Variants in HIVEP1 observed in about 807,000 individuals in gnomAD.
HIVEP1 encodes the protein HIVEP zinc finger 1, also known as zinc finger protein 40.
HIVEP1 carries 36 observed loss-of-function variants against 180.0 expected under a neutral mutation model. The ratio of observed to expected loss-of-function variants is 0.20; its 90% CI spans 0.15 to 0.26. The LOEUF is 0.26. Among genes scored for constraint, HIVEP1 ranks in the 10% least tolerant of loss-of-function variants. The pLI, the probability that HIVEP1 is intolerant of heterozygous loss-of-function variation, is 1.00. For synonymous variants in HIVEP1, 1,239 were observed against 1,239.0 expected (o/e 1.00, Z 0.00); for missense variants, 3,143 against 3,268.7 (o/e 0.96, Z 0.94).
chr6:12,174,356 A>T, the HIVEP1 span, among the ~76,000 whole-genome samples: 1 of 152,316 alleles, frequency 6.6e-6, no homozygotes, highest in South Asian at 2.1e-4. Flanking sequence ...AATTATTAAA[A>T]ACTTCACTTA....
At chr6:12,146,859 A>G (rs867361500) in intron 7 of HIVEP1, among the ~76,000 whole-genome samples, 2 of 151,914 alleles carry the variant, frequency 1.3e-5, no homozygotes, top group Non-Finnish European at 2.9e-5. Flanking sequence ...GATTACTATG[A>G]TGTGGCATGA....
intron 7 of HIVEP1, among the ~76,000 whole-genome samples, chr6:12,154,379 C>T (rs1458775941): frequency 1.3e-5 from 2 of 152,212 alleles, no homozygotes; most frequent in East Asian, 3.8e-4. Flanking sequence ...TCAAAACCCT[C>T]TTTGCCAAGG....
At chr6:12,009,874 T>C (rs560266353), upstream of HIVEP1, among the ~76,000 whole-genome samples, 7 of 152,380 alleles carry the variant, frequency 4.6e-5, no homozygotes, top group South Asian at 8.3e-4. Context: ...AAATTGCATG[T>C]ATGTTTTGTT....
chr6:12,129,890 A>G lies in HIVEP1; in HGVS notation c.6207A>G (p.Gly2069=). Residue 2069 remains glycine (G), a splice_region_variant and synonymous_variant, in exon 5 of 9, where the codon GGA becomes GGG. Transcript: ENST00000379388. Reference sequence around the variant, plus strand: ...CAAGAAGAATTAAAATATTTGATGGAGGGCAAGTACAAATTTTACTTCTTA... The same window carrying G: ...CAAGAAGAATTAAAATATTTGATGGGGGGCAAGTACAAATTTTACTTCTTA... ...SEPRRIKIFD[G]GYKSNEEYVY... The G allele has an allele frequency of 6.5e-7, 1 of 1,544,598 alleles. No homozygotes were observed. Among genetic ancestry groups the G allele is most frequent in the Non-Finnish European group, 8.9e-7 (1 of 1,125,580 alleles).
At chr6:12,152,227 A>G (rs957746732) in intron 7 of HIVEP1, among the ~76,000 whole-genome samples, 2 of 152,218 alleles carry the variant, frequency 1.3e-5, no homozygotes, top group East Asian at 1.9e-4. Flanking sequence ...TAGTTGTTAC[A>G]TTAAGTAACA....
chr6:12,121,738 G>T lies in HIVEP1; in HGVS notation c.1943G>T (p.Arg648Met). 13 of 1,614,166 alleles carry T rather than the reference G, an allele frequency of 8.1e-6. No homozygotes were observed. Among genetic ancestry groups the T allele is most frequent in the Non-Finnish European group, 1.0e-5 (12 of 1,180,038 alleles). Residue 648 changes from arginine (R) to methionine (M), a missense_variant, in exon 4 of 9, where the codon AGG becomes ATG. This residue lies in a region of HIVEP1 where 365 missense variants were observed against 344.4 expected (regional missense o/e 1.06). Coordinates refer to ENST00000379388, the MANE Select transcript of HIVEP1 (RefSeq NM_002114.4). The surrounding 1 kb of genome is among the most constrained non-coding windows in gnomAD (Gnocchi z 5.3). ...HVGTVHAQLQ[R>M]QQATDYSQEQ... Reference sequence around the variant, plus strand: ...GGAACGGTACACGCCCAGCTACAAAGGCAGCAGGCTACCGATTACTCCCAA... The same window carrying T: ...GGAACGGTACACGCCCAGCTACAAATGCAGCAGGCTACCGATTACTCCCAA...
chr6:12,036,080 T>C (rs941260719), intron 2 of HIVEP1, among the ~76,000 whole-genome samples: 3 of 152,242 alleles, frequency 2.0e-5, no homozygotes, highest in African/African-American at 7.2e-5. Flanking sequence ...CACCCAGGGC[T>C]GCTGAGGTTG....
In HIVEP1 at chr6:12,164,642, T is replaced by C. The variant is rs748483022; in HGVS notation, c.*181T>C. ...TCCAGCCATTTTTGTACATGTTGTA[T>C]AGACAATTGTGCCTTTTAGGAGCTT... On this transcript the variant is annotated 3_prime_UTR_variant, in exon 9 of 9. Coordinates refer to ENST00000379388, the MANE Select transcript of HIVEP1 (RefSeq NM_002114.4). The C allele has an allele frequency of 5.4e-6, 3 of 560,320 alleles. No homozygotes were observed. In the East Asian group the frequency reaches 9.0e-5, roughly 17 times the overall value. The allele number at this position is 560,320 out of a possible 1,614,324, so 34.7% of individuals were successfully genotyped here. A position where few individuals can be genotyped will look rare whatever the true frequency, so the allele number is the denominator to read the frequency against.
In HIVEP1 at chr6:12,158,590, TAC is replaced by T. The variant is rs957985896; in HGVS notation, c.6488-2847_6488-2846del. On this transcript the variant is annotated intron_variant, in intron 7 of 8. Transcript: ENST00000379388. ...GGTGCTGTCTCTGTTCCGATTGAGT[TAC>T]AGTCTCGTACCTGCACCATTTTCTT... is the stretch of plus-strand genomic sequence containing the variant. 3.3e-5 allele frequency among the ~76,000 whole-genome samples: 5 copies of T among 152,192 alleles called. No individual in the cohort carries two copies. In the East Asian group the frequency reaches 9.6e-4, roughly 29 times the overall value.
chr6:12,021,916 T>G (rs980793564), intron 2 of HIVEP1, among the ~76,000 whole-genome samples: 1 of 151,872 alleles, frequency 6.6e-6, no homozygotes, highest in African/African-American at 2.4e-5. Context: ...CCACCCGCCT[T>G]GGTCTCCCAA....
At chr6:12,156,679 T>C (rs756322503) in intron 7 of HIVEP1, among the ~76,000 whole-genome samples, 8 of 152,230 alleles carry the variant, frequency 5.3e-5, no homozygotes, top group Non-Finnish European at 1.0e-4. Context: ...AATTGATTTC[T>C]GGTTTAATTC....
intron 3 of HIVEP1, among the ~76,000 whole-genome samples, chr6:12,091,270 A>G (rs1773456851): frequency 6.6e-6 from 1 of 152,134 alleles, no homozygotes; most frequent in South Asian, 2.1e-4. Context: ...TAAGTCATCT[A>G]CAATAGATCT....
At chr6:12,068,052 T>C (rs1222952810) in intron 2 of HIVEP1, among the ~76,000 whole-genome samples, 3 of 152,126 alleles carry the variant, frequency 2.0e-5, no homozygotes, top group Non-Finnish European at 2.9e-5. Context: ...AGATGCAGAT[T>C]TTGAGATGAA....
intron 3 of HIVEP1, among the ~76,000 whole-genome samples, chr6:12,108,987 T>C (rs1310061740): frequency 6.6e-6 from 1 of 152,198 alleles, no homozygotes; most frequent in Non-Finnish European, 1.5e-5. Context: ...TTTTTATTTT[T>C]ACTTTTTTTT....
At chr6:12,110,810 A>G (rs1408190070) in intron 3 of HIVEP1, among the ~76,000 whole-genome samples, 1 of 152,246 alleles carries the variant, frequency 6.6e-6, no homozygotes, top group Non-Finnish European at 1.5e-5. Flanking sequence ...GGCTGGTACA[A>G]GCATCCTAGC....
chr6:12,046,877 T>TGTGTGTGTGTGTGTGTGTGTGTGTGTG, intron 2 of HIVEP1, among the ~76,000 whole-genome samples: 1 of 48,098 alleles, frequency 2.1e-5, no homozygotes, highest in Admixed American at 2.2e-4. Flanking sequence ...GTGTGTGTGT[T>TGTGTGTGTGTGTGTGTGTGTGTGTGTG]TGAGATGGAG....
intron 7 of HIVEP1, among the ~76,000 whole-genome samples, chr6:12,155,988 A>G (rs144751469): frequency 0.01 from 1,582 of 152,184 alleles, 24 homozygotes; most frequent in African/African-American, 0.036. Flanking sequence ...TTTGATTTGC[A>G]TTTCTCTAAT....
chr6:12,024,817 G>A (rs1768470270), intron 2 of HIVEP1, among the ~76,000 whole-genome samples: 1 of 152,228 alleles, frequency 6.6e-6, no homozygotes, highest in South Asian at 2.1e-4. Flanking sequence ...TCTCCCTTGT[G>A]TTGCTGGGTT....
At chr6:12,210,942 C>G in the HIVEP1 span, among the ~76,000 whole-genome samples, 7 of 151,718 alleles carry the variant, frequency 4.6e-5, no homozygotes, top group Admixed American at 3.3e-4. Flanking sequence ...TCATAATGCC[C>G]GATAAATGAA....
Sources: allele counts gnomAD v4.1 joint callset (sites outside exome capture counted in the v4.1 genomes callset), GRCh38; gene constraint gnomAD v4.1.1; regional missense constraint gnomAD v4.1.1; non-coding constraint Gnocchi (gnomAD v3.1); transcripts MANE v1.5; gene names NCBI Gene and HGNC (gene_info 2026-07-23, HGNC 2026-07-21).